SNTG1: variants seen among roughly 807,000 people sequenced by gnomAD.
SNTG1 encodes syntrophin gamma 1.
SNTG1 carries 39 observed loss-of-function variants against 74.7 expected under a neutral mutation model. That is an observed-to-expected ratio of 0.52 (90% confidence interval 0.40 to 0.68). SNTG1 has a LOEUF of 0.68. SNTG1 is among the 30% of genes least tolerant of loss of function. SNTG1 has a pLI of 0.00. For missense variants in SNTG1, 685 were observed against 609.5 expected (o/e 1.12, Z -1.30); for synonymous variants, 254 against 217.1 (o/e 1.17, Z -1.49).
chr8:49,993,213 G>A (rs1430050310), intron 1 of SNTG1, among the ~76,000 whole-genome samples: 1 of 152,090 alleles, frequency 6.6e-6, no homozygotes, highest in East Asian at 1.9e-4. Context: ...ACTGGCAGGT[G>A]CAAAGCCCAG....
intron 15 of SNTG1, among the ~76,000 whole-genome samples, chr8:50,682,357 C>T (rs1161440462): frequency 2.0e-5 from 3 of 151,664 alleles, no homozygotes; most frequent in Admixed American, 2.0e-4. Context: ...AGGGCAGTTA[C>T]AGAACAGGTG....
chr8:49,943,871 G>A (rs1339420646), intron 1 of SNTG1, among the ~76,000 whole-genome samples: 3 of 152,040 alleles, frequency 2.0e-5, no homozygotes, highest in Non-Finnish European at 4.4e-5. Flanking sequence ...AAGTTTAAAT[G>A]ATTAGTTTTT....
chr8:50,781,707 T>C (rs1386032683), intron 18 of SNTG1, among the ~76,000 whole-genome samples: 1 of 152,200 alleles, frequency 6.6e-6, no homozygotes, highest in African/African-American at 2.4e-5. Flanking sequence ...CATTTACATC[T>C]AAAGTTAATA....
At chr8:50,035,710 C>T (rs908811843) in intron 1 of SNTG1, among the ~76,000 whole-genome samples, 2 of 152,154 alleles carry the variant, frequency 1.3e-5, no homozygotes, top group Admixed American at 1.3e-4. Flanking sequence ...CACAGTTCTT[C>T]GCTGAGGACT....
chr8:50,492,949 A>G (rs2093871328), intron 8 of SNTG1, among the ~76,000 whole-genome samples: 1 of 152,158 alleles, frequency 6.6e-6, no homozygotes. Context: ...TTTTCTGCAT[A>G]CTGGTACCAA....
At chr8:50,654,724 G>T (rs376562156) in intron 13 of SNTG1, among the ~76,000 whole-genome samples, 1 of 152,032 alleles carries the variant, frequency 6.6e-6, no homozygotes, top group South Asian at 2.1e-4. Context: ...ATTTTCTTTA[G>T]TCAGGAGCCT....
chr8:49,918,159 C>T (rs1806211095), intron 1 of SNTG1, among the ~76,000 whole-genome samples: 1 of 151,988 alleles, frequency 6.6e-6, no homozygotes, highest in African/African-American at 2.4e-5. Context: ...AAAGGTTCAT[C>T]TTAATATGTT....
intron 9 of SNTG1, among the ~76,000 whole-genome samples, chr8:50,521,987 C>T (rs1173537363): frequency 1.3e-5 from 2 of 152,110 alleles, no homozygotes; most frequent in African/African-American, 4.8e-5. Flanking sequence ...TTTACCTACT[C>T]CTGTCAATAT....
chr8:50,657,903 A>G (rs2095193593), intron 14 of SNTG1, among the ~76,000 whole-genome samples: 1 of 152,172 alleles, frequency 6.6e-6, no homozygotes, highest in African/African-American at 2.4e-5. Flanking sequence ...TTTATTGAAT[A>G]TAAATACCAA....
At chr8:49,927,841 G>A (rs1807168133) in intron 1 of SNTG1, among the ~76,000 whole-genome samples, 1 of 152,034 alleles carries the variant, frequency 6.6e-6, no homozygotes. Context: ...TTTGGGGCTG[G>A]GAGTGGTGGC....
chr8:50,583,468 A>T (rs1254574813), intron 12 of SNTG1, among the ~76,000 whole-genome samples: 7 of 151,920 alleles, frequency 4.6e-5, no homozygotes, highest in African/African-American at 1.7e-4. Flanking sequence ...AATAACTAGC[A>T]TCAAAAATTC....
At chr8:50,439,004 T>A (rs1195984141) in intron 5 of SNTG1, among the ~76,000 whole-genome samples, 3 of 152,198 alleles carry the variant, frequency 2.0e-5, no homozygotes, top group African/African-American at 4.8e-5. Flanking sequence ...GTTCATCTTG[T>A]TTATTTTTCA....
At chr8:49,967,333 T>C (rs1454014301) in intron 1 of SNTG1, among the ~76,000 whole-genome samples, 2 of 152,330 alleles carry the variant, frequency 1.3e-5, no homozygotes, top group East Asian at 3.9e-4. Context: ...CTCAGGATGG[T>C]GTTTTGTCAC....
intron 1 of SNTG1, among the ~76,000 whole-genome samples, chr8:50,040,981 C>G (rs938568453): frequency 6.6e-6 from 1 of 152,132 alleles, no homozygotes; most frequent in Non-Finnish European, 1.5e-5. Context: ...ACTGCAACCC[C>G]CGCCTCCCAG....
At chr8:50,022,830 G>T (rs1816943375) in intron 1 of SNTG1, among the ~76,000 whole-genome samples, 1 of 152,122 alleles carries the variant, frequency 6.6e-6, no homozygotes, top group Non-Finnish European at 1.5e-5. Flanking sequence ...TGTGGACCTT[G>T]ACTTTTTATT....
At chr8:49,919,126 C>T (rs1806304979) in intron 1 of SNTG1, among the ~76,000 whole-genome samples, 2 of 151,974 alleles carry the variant, frequency 1.3e-5, no homozygotes, top group Non-Finnish European at 1.5e-5. Flanking sequence ...CTTTTCTCCC[C>T]CTCTCTTCTT....
chr8:49,949,753 C>T lies in SNTG1; in HGVS notation c.-103+37522C>T, dbSNP rs74710704. Among the ~76,000 whole-genome samples the T allele has an allele frequency of 2.9e-3, 446 of 152,274 alleles. 2 individuals are homozygous for T. Among genetic ancestry groups the T allele is most frequent in the African/African-American group, 0.01 (416 of 41,562 alleles). Reference sequence around the variant, plus strand: ...AAGCACAAGGGAATACCTGTTAACCCACGTTTGGCTTCATTGAGCTATCCT... The same window carrying T: ...AAGCACAAGGGAATACCTGTTAACCTACGTTTGGCTTCATTGAGCTATCCT... On this transcript the variant is annotated intron_variant, in intron 1 of 18. Coordinates refer to ENST00000642720, the MANE Select transcript of SNTG1 (RefSeq NM_018967.5).
rs145098468 is a variant in SNTG1 at position 50,197,254 on chromosome 8, C to T, written c.-28+24619C>T. Among the ~76,000 whole-genome samples the T allele has an allele frequency of 7.6e-4, 115 of 152,224 alleles. 2 individuals carry two copies. The East Asian group carries it at 0.017, about 22-fold the overall frequency. ...CCTATGCAAGGCCCGCCTGATTATA[C>T]ATTTATGTGTATGTGTGAATATGTA... On this transcript the variant is annotated intron_variant, in intron 2 of 18. Transcript: ENST00000642720.
chr8:50,093,176 A>C (rs1331532526), intron 1 of SNTG1, among the ~76,000 whole-genome samples: 1 of 152,094 alleles, frequency 6.6e-6, no homozygotes, highest in Non-Finnish European at 1.5e-5. Context: ...CCATACTCTA[A>C]AGTAATTCTC....
Sources: gnomAD v4.1 joint callset for allele counts (sites outside exome capture counted in the v4.1 genomes callset) on GRCh38, gnomAD v4.1.1 for gene constraint, MANE v1.5 for transcripts, NCBI Gene and HGNC (gene_info 2026-07-23, HGNC 2026-07-21) for gene names.